CBX5: variants seen among roughly 807,000 people sequenced by gnomAD.
CBX5 encodes the protein chromobox protein homolog 5.
A neutral mutation model predicts 20.7 loss-of-function variants in CBX5; 7 were observed. The ratio of observed to expected loss-of-function variants is 0.34; its 90% confidence interval spans 0.19 to 0.63. The LOEUF (loss-of-function observed/expected upper bound fraction) is 0.63, where lower values mean the gene tolerates loss of function less well. Ranked by LOEUF, CBX5 falls within the 30% of genes least tolerant of loss-of-function variation. The probability of loss-of-function intolerance (pLI) is 0.75; values close to 1 mark genes in which losing one functional copy is unlikely to be tolerated. For synonymous variants in CBX5, 78 were observed against 77.0 expected (o/e 1.01, Z -0.07); for missense variants, 110 against 224.1 (o/e 0.49, Z 3.25).
Position 54,235,270 on chromosome 12 carries a change from A to ATTT in CBX5, c.*6484_*6485insAAA, listed in dbSNP as rs1943607614. On this transcript the variant is annotated 3_prime_UTR_variant, in exon 5 of 5. Coordinates refer to ENST00000209875, the MANE Select transcript of CBX5 (RefSeq NM_012117.3). Reference sequence around the variant, plus strand: ...GAGACTCAGATTTAATATACAAGGTATATGTATTTCTGGCAAAGGTTTCCA... The same window carrying ATTT: ...GAGACTCAGATTTAATATACAAGGTATTTTATGTATTTCTGGCAAAGGTTTCCA... The ATTT allele has an allele frequency of 6.6e-6, 1 of 152,234 alleles. No homozygotes were observed. Among genetic ancestry groups the ATTT allele is most frequent in the Non-Finnish European group, 1.5e-5 (1 of 68,052 alleles). The allele number at this position is 152,234 out of a possible 1,614,324, so 9.4% of individuals were successfully genotyped here. A position where few individuals can be genotyped will look rare whatever the true frequency, so the allele number is the denominator to read the frequency against.
intron 1 of CBX5, among the ~76,000 whole-genome samples, chr12:54,268,143 C>T (rs1044705447): frequency 6.6e-6 from 1 of 152,072 alleles, no homozygotes; most frequent in Non-Finnish European, 1.5e-5. Flanking sequence ...GACTTCATCT[C>T]AAACAAACAA....
intron 3 of CBX5, among the ~76,000 whole-genome samples, chr12:54,248,071 G>T (rs961964167): frequency 3.3e-5 from 5 of 151,920 alleles, no homozygotes; most frequent in Non-Finnish European, 7.4e-5. Context: ...CAAACTCCTA[G>T]CCTCAGGTGA....
At chr12:54,260,675 T>C (rs1236952343) in intron 1 of CBX5, among the ~76,000 whole-genome samples, 2 of 152,178 alleles carry the variant, frequency 1.3e-5, no homozygotes, top group African/African-American at 4.8e-5. Flanking sequence ...ATTATTAATA[T>C]ACAACTCTCT....
At chr12:54,266,423 A>G (rs1255200070) in intron 1 of CBX5, among the ~76,000 whole-genome samples, 1 of 152,062 alleles carries the variant, frequency 6.6e-6, no homozygotes, top group Non-Finnish European at 1.5e-5. Context: ...TAAAAAAATA[A>G]ATATAAAAAC....
intron 1 of CBX5, among the ~76,000 whole-genome samples, chr12:54,275,055 T>C (rs1383721981): frequency 1.3e-5 from 2 of 152,124 alleles, no homozygotes; most frequent in African/African-American, 4.8e-5. Flanking sequence ...TCTGAGAATC[T>C]CCAGAATTTC....
chr12:54,253,933 T>G (rs1226788200), intron 2 of CBX5, among the ~76,000 whole-genome samples: 1 of 151,804 alleles, frequency 6.6e-6, no homozygotes, highest in Non-Finnish European at 1.5e-5. Context: ...GTATTTTTAG[T>G]AGAGACGGGG....
chr12:54,277,956 C>A (rs1170228939), intron 1 of CBX5, among the ~76,000 whole-genome samples: 1 of 152,152 alleles, frequency 6.6e-6, no homozygotes, highest in Non-Finnish European at 1.5e-5. Context: ...AAGCCTCCTA[C>A]CTCAGCCTCA....
chr12:54,278,784 A>C (rs962227611), intron 1 of CBX5: 1 of 152,232 alleles, frequency 6.6e-6, no homozygotes, highest in African/African-American at 2.4e-5. Flanking sequence ...AGAACCCTAA[A>C]TATTACCCTC....
chr12:54,249,742 C>T (rs1943774171), intron 3 of CBX5, among the ~76,000 whole-genome samples: 1 of 152,086 alleles, frequency 6.6e-6, no homozygotes, highest in African/African-American at 2.4e-5. Flanking sequence ...GAGGCAATAA[C>T]AGTGCTTATG....
intron 1 of CBX5, chr12:54,272,285 A>T (rs1464459861): frequency 6.6e-6 from 1 of 152,220 alleles, no homozygotes; most frequent in Non-Finnish European, 1.5e-5. Flanking sequence ...TGAGTGTGTT[A>T]TAAAACCTGA....
intron 4 of CBX5, among the ~76,000 whole-genome samples, chr12:54,244,568 T>C (rs999729614): frequency 8.6e-5 from 13 of 151,652 alleles, no homozygotes; most frequent in Non-Finnish European, 1.5e-4. Context: ...CAAAACCCCA[T>C]CTCTACTAAA....
chr12:54,256,956 T>C (rs1308354976), intron 2 of CBX5, among the ~76,000 whole-genome samples: 2 of 152,108 alleles, frequency 1.3e-5, no homozygotes, highest in Non-Finnish European at 2.9e-5. Context: ...CTCCGCCTCC[T>C]AGGTTCAAGT....
intron 1 of CBX5, among the ~76,000 whole-genome samples, 170 bp downstream of exon 1, chr12:54,279,838 C>A (rs1472346471): frequency 2.0e-5 from 3 of 152,232 alleles, no homozygotes; most frequent in African/African-American, 7.2e-5. Context: ...CTCCAAAGAA[C>A]CTACGGGGAT....
intron 1 of CBX5, chr12:54,276,724 C>G (rs1449937781): frequency 6.6e-6 from 1 of 152,176 alleles, no homozygotes; most frequent in African/African-American, 2.4e-5. Flanking sequence ...AAATTGACTG[C>G]TTTCTTAAGA....
intron 1 of CBX5, chr12:54,276,914 AAAG>A (rs1384689342): frequency 6.6e-6 from 1 of 152,224 alleles, no homozygotes; most frequent in Non-Finnish European, 1.5e-5. Flanking sequence ...ATCAAGTGAA[AAAG>A]AAGGATGTGA....
Position 54,271,181 on chromosome 12 carries a change from T to C in CBX5, c.-43+8827A>G, listed in dbSNP as rs1944005986. ...AGCACATGTATTCTGCTGTTGCTTGTACTATTCTATAAATGTCAATTATAT... is the reference window on the plus strand; with the variant it reads ...AGCACATGTATTCTGCTGTTGCTTGCACTATTCTATAAATGTCAATTATAT... On this transcript the variant is annotated intron_variant, in intron 1 of 4. Coordinates refer to ENST00000209875, the MANE Select transcript of CBX5 (RefSeq NM_012117.3). 2.0e-5 allele frequency among the ~76,000 whole-genome samples: 3 copies of C among 152,356 alleles called. No individual in the cohort carries two copies. The South Asian group carries it at 6.2e-4, about 32-fold the overall frequency.
At chr12:54,265,387 C>T (rs1187380097) in intron 1 of CBX5, among the ~76,000 whole-genome samples, 24 of 152,180 alleles carry the variant, frequency 1.6e-4, no homozygotes, top group Admixed American at 1.6e-3. Context: ...TGTTTTCTTG[C>T]AGTGGATTTA....
chr12:54,247,558 CATGAG>C (rs947030878), intron 3 of CBX5, among the ~76,000 whole-genome samples: 1 of 152,118 alleles, frequency 6.6e-6, no homozygotes, highest in African/African-American at 2.4e-5. Context: ...TTTGATAATT[CATGAG>C]ATGAGTATTG....
chr12:54,246,596 A>G (rs183934742), intron 3 of CBX5, among the ~76,000 whole-genome samples: 9 of 152,210 alleles, frequency 5.9e-5, no homozygotes, highest in Non-Finnish European at 1.2e-4. Flanking sequence ...CCTGGCCAAC[A>G]TGGTGAAACC....
Sources: allele counts gnomAD v4.1 joint callset (sites outside exome capture counted in the v4.1 genomes callset), GRCh38; gene constraint gnomAD v4.1.1; transcripts MANE v1.5; gene names NCBI Gene and HGNC (gene_info 2026-07-23, HGNC 2026-07-21).